SLC8A1: variants seen among roughly 807,000 people sequenced by gnomAD.
SLC8A1 encodes sodium/calcium exchanger 1.
In SLC8A1, 18 loss-of-function variants were observed where a neutral mutation model predicts 68.3. The observed-to-expected ratio is 0.26, with a 90% CI of 0.18 to 0.39. The LOEUF is 0.39. Among genes scored for constraint, SLC8A1 ranks in the 10% least tolerant of loss-of-function variants. The probability of loss-of-function intolerance (pLI) is 1.00; values close to 1 mark genes in which losing one functional copy is unlikely to be tolerated. For synonymous variants in SLC8A1, 475 were observed against 415.5 expected (o/e 1.14, Z -1.74); for missense variants, 985 against 1,156.7 (o/e 0.85, Z 2.15).
chr2:40,433,918 T>C (rs1698892359), intron 1 of SLC8A1, among the ~76,000 whole-genome samples: 3 of 152,132 alleles, frequency 2.0e-5, no homozygotes, highest in Admixed American at 2.0e-4. Flanking sequence ...GGCTTTTATC[T>C]TATGCATTAG....
chr2:40,321,115 G>A (rs1170781602), intron 2 of SLC8A1, among the ~76,000 whole-genome samples: 1 of 152,130 alleles, frequency 6.6e-6, no homozygotes, highest in Non-Finnish European at 1.5e-5. Context: ...TGATGCCAAT[G>A]AATCAATTTC....
chr2:40,385,565 T>A (rs1683299376), intron 2 of SLC8A1, among the ~76,000 whole-genome samples: 1 of 151,042 alleles, frequency 6.6e-6, no homozygotes, highest in Non-Finnish European at 1.5e-5. Flanking sequence ...AGTTATCATA[T>A]CAACAAGGAA....
chr2:40,418,274 A>G (rs569889709), intron 2 of SLC8A1, among the ~76,000 whole-genome samples: 1 of 152,250 alleles, frequency 6.6e-6, no homozygotes, highest in East Asian at 1.9e-4. Context: ...TGTTTATTAC[A>G]TTACATTATA....
chr2:40,230,387 G>C (rs1270004882), intron 2 of SLC8A1, among the ~76,000 whole-genome samples: 1 of 152,006 alleles, frequency 6.6e-6, no homozygotes, highest in Non-Finnish European at 1.5e-5. Context: ...AATTCCATCA[G>C]TGCTTCTTTA....
chr2:40,243,003 C>G (rs442586), intron 2 of SLC8A1, among the ~76,000 whole-genome samples: 30,504 of 152,072 alleles, frequency 0.2, 4,191 homozygotes, highest in African/African-American at 0.38. Flanking sequence ...GTAGTTCTGC[C>G]AAATCATTCA....
chr2:40,425,966 G>A (rs551933352), intron 2 of SLC8A1, among the ~76,000 whole-genome samples: 19 of 151,940 alleles, frequency 1.3e-4, no homozygotes, highest in Non-Finnish European at 2.1e-4. Context: ...GCAAAGACAT[G>A]GAATCAACAT....
At chr2:40,474,346 T>C (rs1170076301) in intron 1 of SLC8A1, among the ~76,000 whole-genome samples, 2 of 152,228 alleles carry the variant, frequency 1.3e-5, no homozygotes, top group Non-Finnish European at 2.9e-5. Context: ...ACATGATTAC[T>C]GGTTAAAGTA....
chr2:40,429,217 C>T, exon 2 of SLC8A1: 5 of 1,613,776 alleles, frequency 3.1e-6, no homozygotes, highest in Non-Finnish European at 4.2e-6. Context: ...TTGCTGCTGA[C>T]TTAGGACTTG....
chr2:40,193,591 A>T (rs2052323238), intron 2 of SLC8A1, among the ~76,000 whole-genome samples: 1 of 152,104 alleles, frequency 6.6e-6, no homozygotes, highest in African/African-American at 2.4e-5. Context: ...GGTTGATGGG[A>T]GGTGAGTCAA....
chr2:40,509,358 G>A (rs1015284251), intron 1 of SLC8A1, among the ~76,000 whole-genome samples: 1 of 149,844 alleles, frequency 6.7e-6, no homozygotes, highest in Non-Finnish European at 1.5e-5. Flanking sequence ...CATTTTTAAC[G>A]TTCTTAAAAT....
At chr2:40,282,309 A>G (rs1380344399) in intron 2 of SLC8A1, among the ~76,000 whole-genome samples, 3 of 152,192 alleles carry the variant, frequency 2.0e-5, no homozygotes, top group Admixed American at 1.3e-4. Flanking sequence ...TGCTCACCCC[A>G]GACACAAAAC....
At chr2:40,222,693 C>CA (rs1355628590) in intron 2 of SLC8A1, among the ~76,000 whole-genome samples, 1 of 152,070 alleles carries the variant, frequency 6.6e-6, no homozygotes, top group Non-Finnish European at 1.5e-5. Context: ...ACAGCCCCAT[C>CA]AAAAAGTGGG....
At chr2:40,409,314 C>T (rs575240830) in intron 2 of SLC8A1, among the ~76,000 whole-genome samples, 2 of 152,060 alleles carry the variant, frequency 1.3e-5, no homozygotes, top group Non-Finnish European at 2.9e-5. Flanking sequence ...TACATTCAGG[C>T]TTCAGGAATA....
intron 6 of SLC8A1, among the ~76,000 whole-genome samples, chr2:40,142,475 C>T (rs2041762637): frequency 1.3e-5 from 2 of 152,160 alleles, no homozygotes; most frequent in Admixed American, 6.5e-5. Flanking sequence ...TATAATTTCA[C>T]AGGGCATATG....
chr2:40,314,530 C>CA lies in SLC8A1; in HGVS notation c.1808+113942dup, dbSNP rs766929438. Among the ~76,000 whole-genome samples the CA allele has an allele frequency of 1.5e-3, 211 of 145,398 alleles. 6 individuals are homozygous for CA. The East Asian group carries it at 0.021, about 15-fold the overall frequency. Reference sequence around the variant, plus strand: ...TAGAAAAAGCTTGAAAAATTTACACCAAAAAAAAAATGCTTATTGGGATTT... The same window carrying CA: ...TAGAAAAAGCTTGAAAAATTTACACCAAAAAAAAAAATGCTTATTGGGATTT... On this transcript the variant is annotated intron_variant, in intron 2 of 7. Transcript: ENST00000406785.
intron 1 of SLC8A1, among the ~76,000 whole-genome samples, chr2:40,450,103 A>G (rs1702161535): frequency 6.6e-6 from 1 of 152,106 alleles, no homozygotes; most frequent in Non-Finnish European, 1.5e-5. Context: ...CAAGGCCCCA[A>G]AGATGGAGCT....
At chr2:40,430,263 T>C (rs751265510) in exon 2 of SLC8A1, 61 of 1,611,318 alleles carry the variant, frequency 3.8e-5, no homozygotes, top group Non-Finnish European at 5.9e-6. Context: ...AAAGACTTAA[T>C]CGCCGCATGT....
At chr2:40,254,843 T>C (rs1423351067) in intron 2 of SLC8A1, 1 of 152,232 alleles carries the variant, frequency 6.6e-6, no homozygotes, top group African/African-American at 2.4e-5. Flanking sequence ...CACTGTGCAA[T>C]TGTAATTTTG....
chr2:40,499,126 G>A (rs775001383), intron 1 of SLC8A1, among the ~76,000 whole-genome samples: 8 of 152,020 alleles, frequency 5.3e-5, no homozygotes, highest in Non-Finnish European at 1.2e-4. Context: ...TCACATGGAA[G>A]AAGAATCATG....
Sources: allele counts gnomAD v4.1 joint callset (sites outside exome capture counted in the v4.1 genomes callset), GRCh38; gene constraint gnomAD v4.1.1; transcripts MANE v1.5; gene names NCBI Gene and HGNC (gene_info 2026-07-23, HGNC 2026-07-21).